The following PKP4 variants were observed in gnomAD, a reference collection of about 807,000 sequenced individuals.
The protein encoded by PKP4 is plakophilin 4.
A neutral mutation model predicts 145.1 loss-of-function variants in PKP4; 90 were observed. The ratio of observed to expected loss-of-function variants is 0.62; its 90% CI spans 0.52 to 0.74. The LOEUF (loss-of-function observed/expected upper bound fraction) is 0.74, where lower values mean the gene tolerates loss of function less well. Among genes scored for constraint, PKP4 ranks in the 30% least tolerant of loss-of-function variants. The pLI is 0.00. For missense variants in PKP4, 1,340 were observed against 1,482.7 expected, an observed-to-expected ratio of 0.90 and a Z score of 1.58; for synonymous variants, 563 against 577.2, an observed-to-expected ratio of 0.98 and a Z score of 0.35.
chr2:158,553,655 C>T (rs978810538), intron 2 of PKP4, among the ~76,000 whole-genome samples: 4 of 152,148 alleles, frequency 2.6e-5, no homozygotes, highest in Admixed American at 6.5e-5. Context: ...AACCTTGTCC[C>T]GCTGGGTTTT....
At chr2:158,530,824 C>A (rs2043470109) in intron 1 of PKP4, among the ~76,000 whole-genome samples, 1 of 152,048 alleles carries the variant, frequency 6.6e-6, no homozygotes, top group Non-Finnish European at 1.5e-5. Flanking sequence ...TGTGTCCTAA[C>A]CTTTGAGGAA....
chr2:158,610,924 T>TAGG (rs2051090681), intron 4 of PKP4, among the ~76,000 whole-genome samples: 1 of 152,216 alleles, frequency 6.6e-6, no homozygotes, highest in Admixed American at 6.5e-5. Flanking sequence ...TCATTCTTTT[T>TAGG]AACACTGCTG....
At chr2:158,643,682 C>G (rs2054523643) in intron 11 of PKP4, among the ~76,000 whole-genome samples, 1 of 148,898 alleles carries the variant, frequency 6.7e-6, no homozygotes, top group African/African-American at 2.5e-5. Flanking sequence ...CCACTGCACT[C>G]CAGCCTGGAT....
chr2:158,642,712 T>C lies in PKP4; in HGVS notation c.1909+13T>C, dbSNP rs768297905. On this transcript the variant is annotated intron_variant, in intron 11 of 21. Coordinates refer to ENST00000389759, the MANE Select transcript of PKP4 (RefSeq NM_003628.6). ...GAGCTTGTTACAGGTAGGTATAGAA[T>C]GTGATCTCGTCCTAGAGGAAATGTT... 1.6e-5 allele frequency: 25 copies of C among 1,558,194 alleles called. No homozygotes were observed. Among genetic ancestry groups the C allele is most frequent in the Non-Finnish European group, 2.2e-5 (25 of 1,141,656 alleles).
At chr2:158,607,420 G>A (rs1200342120) in intron 4 of PKP4, among the ~76,000 whole-genome samples, 3 of 152,128 alleles carry the variant, frequency 2.0e-5, no homozygotes, top group Non-Finnish European at 4.4e-5. Context: ...ATGTAGTTAC[G>A]AAAGTGTGGG....
intron 1 of PKP4, among the ~76,000 whole-genome samples, chr2:158,480,994 C>CT (rs1228639975): frequency 6.6e-6 from 1 of 152,150 alleles, no homozygotes; most frequent in Non-Finnish European, 1.5e-5. Flanking sequence ...TTGTGTCTCA[C>CT]TTTTTTTACT....
chr2:158,659,459 A>G (rs1243505023), intron 12 of PKP4: 1 of 152,296 alleles, frequency 6.6e-6, no homozygotes, highest in Non-Finnish European at 1.5e-5. Context: ...AGTGACGAAT[A>G]AAACAGACTA....
intron 1 of PKP4, among the ~76,000 whole-genome samples, chr2:158,491,189 A>C (rs1488910715): frequency 6.6e-6 from 1 of 152,062 alleles, no homozygotes; most frequent in Non-Finnish European, 1.5e-5. Flanking sequence ...GGTTATTTAG[A>C]TTGCATTCAC....
Position 158,666,469 on chromosome 2 carries a change from G to A in PKP4, c.2634G>A (p.Val878=). Residue 878 remains valine, a synonymous_variant, in exon 16 of 22, where the codon GTG becomes GTA. Transcript: ENST00000389759. ...VRKEKGLPIL[V]ELLRMDNDRV... is the part of the protein sequence containing the mutation. ...AAGAAAAGGGGCTCCCCATCCTTGT[G>A]GAGCTTCTGAGAATGGATAACGATA... 6.2e-7 allele frequency: 1 copy of A among 1,613,106 alleles called. No individual in the cohort carries two copies. Among genetic ancestry groups the A allele is most frequent in the Non-Finnish European group, 8.5e-7 (1 of 1,179,610 alleles).
chr2:158,593,745 G>A (rs1056483049), intron 3 of PKP4, among the ~76,000 whole-genome samples: 3 of 152,080 alleles, frequency 2.0e-5, no homozygotes, highest in South Asian at 2.1e-4. Flanking sequence ...CCTGGAATGC[G>A]TTTTAGACAG....
At chr2:158,545,786 A>T (rs2044976609) in intron 2 of PKP4, among the ~76,000 whole-genome samples, 1 of 152,182 alleles carries the variant, frequency 6.6e-6, no homozygotes, top group African/African-American at 2.4e-5. Context: ...AAATTCTTTG[A>T]AGGTAAAATA....
intron 3 of PKP4, among the ~76,000 whole-genome samples, chr2:158,602,305 T>C (rs896577799): frequency 2.6e-5 from 4 of 152,190 alleles, no homozygotes; most frequent in Non-Finnish European, 5.9e-5. Context: ...AAGATAACAA[T>C]AAGGGTGTAC....
intron 1 of PKP4, among the ~76,000 whole-genome samples, chr2:158,458,871 A>G (rs145713628): frequency 6.6e-6 from 1 of 152,186 alleles, no homozygotes; most frequent in East Asian, 1.9e-4. Flanking sequence ...ACAATCATGT[A>G]TATTTCAAGA....
intron 12 of PKP4, chr2:158,660,651 C>A (rs988654167): frequency 1.3e-5 from 2 of 152,332 alleles, no homozygotes; most frequent in Non-Finnish European, 2.9e-5. Flanking sequence ...TTTATGAAGG[C>A]AAATTGATAT....
chr2:158,632,317 G>A (rs2105914768), intron 8 of PKP4, among the ~76,000 whole-genome samples: 1 of 152,312 alleles, frequency 6.6e-6, no homozygotes, highest in African/African-American at 2.4e-5. Flanking sequence ...CCATACATGA[G>A]TTACTTGGCC....
chr2:158,483,762 C>T (rs1693722088), intron 1 of PKP4, among the ~76,000 whole-genome samples: 1 of 138,182 alleles, frequency 7.2e-6, no homozygotes, highest in Admixed American at 7.9e-5. Flanking sequence ...TTATTAGAAC[C>T]AATTGAATTT....
At chr2:158,595,029 G>T (rs1284448020) in intron 3 of PKP4, among the ~76,000 whole-genome samples, 1 of 152,168 alleles carries the variant, frequency 6.6e-6, no homozygotes, top group African/African-American at 2.4e-5. Flanking sequence ...GTTTTGGGAA[G>T]AATAATCATG....
chr2:158,597,839 C>G (rs572025594), intron 3 of PKP4, among the ~76,000 whole-genome samples: 2 of 152,248 alleles, frequency 1.3e-5, no homozygotes, highest in Admixed American at 1.3e-4. Context: ...CAGGGTCTCA[C>G]TCTGTTGCCC....
chr2:158,578,079 T>C (rs2048014571), intron 3 of PKP4: 1 of 168,584 alleles, frequency 5.9e-6, no homozygotes, highest in South Asian at 2.0e-4. Flanking sequence ...GCTTGCAGTT[T>C]TAAGTTTGAT....
Sources: allele counts gnomAD v4.1 joint callset (sites outside exome capture counted in the v4.1 genomes callset), GRCh38; gene constraint gnomAD v4.1.1; transcripts MANE v1.5; gene names NCBI Gene and HGNC (gene_info 2026-07-23, HGNC 2026-07-21).